Variants in MOB1A observed in about 807,000 individuals in gnomAD.
MOB1A encodes MOB kinase activator 1A.
MOB1A carries 10 observed loss-of-function variants against 25.1 expected under a neutral mutation model. The observed-to-expected ratio is 0.40, with a 90% CI of 0.25 to 0.68. The LOEUF (loss-of-function observed/expected upper bound fraction) is 0.68, where lower values mean the gene tolerates loss of function less well. MOB1A is among the 30% of genes least tolerant of loss of function. The pLI is 0.40. For missense variants in MOB1A, 177 were observed against 256.3 expected (o/e 0.69, Z 2.11); for synonymous variants, 81 against 79.5 (o/e 1.02, Z -0.10).
chr2:74,161,439 C>T (rs1007895580), intron 4 of MOB1A, among the ~76,000 whole-genome samples: 1 of 150,472 alleles, frequency 6.6e-6, no homozygotes, highest in African/African-American at 2.4e-5. Flanking sequence ...GTCAGGAGAT[C>T]GAGACCATCC....
rs534678492 is a variant in MOB1A at position 74,162,752 on chromosome 2, A to C, written c.409+2466T>G. ...AAAACTGTTGTCCTGAAAAGCCTCT[A>C]TAAGACTGCAAAAAGGAATTCAAAA... is the stretch of plus-strand genomic sequence containing the variant. On this transcript the variant is annotated intron_variant, in intron 4 of 5. Coordinates refer to ENST00000396049, the MANE Select transcript of MOB1A (RefSeq NM_018221.5). 1.6e-3 allele frequency among the ~76,000 whole-genome samples: 243 copies of C among 152,314 alleles called. 3 individuals carry two copies. The highest frequency in any genetic ancestry group is 5.5e-3 in the African/African-American group (230 of 41,580).
chr2:74,165,375 A>T (rs1693101774), intron 3 of MOB1A, 24 bp from the exon 4 acceptor site: 21 of 1,427,812 alleles, frequency 1.5e-5, no homozygotes, highest in Non-Finnish European at 1.8e-5. Flanking sequence ...TGTTTTACTG[A>T]TAAATTTTTC....
chr2:74,177,370 A>G (rs1411313476), intron 1 of MOB1A, among the ~76,000 whole-genome samples: 2 of 152,202 alleles, frequency 1.3e-5, no homozygotes, highest in African/African-American at 4.8e-5. Flanking sequence ...AAAAAAAAAG[A>G]AAAAGTCTCG....
rs34655105 is a variant in MOB1A, at chr2:74,170,724, C to CAAAA, written c.181+1858_181+1861dup. 1.1e-3 allele frequency among the ~76,000 whole-genome samples: 137 copies of CAAAA among 121,856 alleles called. 1 individual carries two copies. In the East Asian group the frequency reaches 0.021, roughly 19 times the overall value. 79.9% of individuals were successfully genotyped at this position (121,856 alleles called of 152,430 possible). A position where few individuals can be genotyped will look rare whatever the true frequency, so the allele number is the denominator to read the frequency against. ...TGTGCGACAGAGCAAGATTCCATCT[C>CAAAA]AAAAAAAAAAAAAAAAATTAGCAGG... On this transcript the variant is annotated intron_variant, in intron 2 of 5. Transcript: ENST00000396049.
intron 1 of MOB1A, among the ~76,000 whole-genome samples, chr2:74,176,588 C>A (rs1693477294): frequency 6.6e-6 from 1 of 151,690 alleles, no homozygotes; most frequent in African/African-American, 2.4e-5. Flanking sequence ...CACGGTGAAA[C>A]CCCGTCTCTA....
chr2:74,165,183 A>T (rs1236172537), intron 4 of MOB1A, 35 bp downstream of exon 4: 5 of 1,449,472 alleles, frequency 3.4e-6, no homozygotes, highest in Non-Finnish European at 4.6e-6. Flanking sequence ...TAAAATTTTA[A>T]AAAAAGAAAG....
Position 74,172,653 on chromosome 2 carries a change from A to G in MOB1A, c.114T>C (p.Ser38=), listed in dbSNP as rs1468281235. The change falls in exon 2 of 6, where the codon AGT becomes AGC. Residue 38 remains serine (S), a synonymous_variant. Coordinates refer to ENST00000396049, the MANE Select transcript of MOB1A (RefSeq NM_018221.5). ...LLKHAEATLG[S]GNLRQAVMLP... ...ACATAACAGCTTGTCTCAGATTCCC[A>G]CTTCCTAGAGTTGCTTCTGCATGTT... is the stretch of plus-strand genomic sequence containing the variant. The G allele has an allele frequency of 5.0e-6, 8 of 1,613,844 alleles. No homozygotes were observed. The highest frequency in any genetic ancestry group is 3.3e-5 in the South Asian group (3 of 91,076).
intron 4 of MOB1A, chr2:74,164,169 G>A (rs188695757): frequency 6.6e-6 from 1 of 152,164 alleles, no homozygotes; most frequent in Non-Finnish European, 1.5e-5. Context: ...AAATGGTAAT[G>A]GGACAAACTG....
In MOB1A at chr2:74,154,334, G is replaced by C. The variant is rs984722405; in HGVS notation, c.*2234C>G. 1 of 152,134 alleles carries C rather than the reference G, an allele frequency of 6.6e-6. No individual in the cohort carries two copies. The highest frequency in any genetic ancestry group is 1.5e-5 in the Non-Finnish European group (1 of 68,028). The allele number at this position is 152,134 out of a possible 1,614,324, so 9.4% of individuals were successfully genotyped here. On this transcript the variant is annotated 3_prime_UTR_variant, in exon 6 of 6. Coordinates refer to ENST00000396049, the MANE Select transcript of MOB1A (RefSeq NM_018221.5). ...CTCCCCTTGGCTCCCTAGCCTTGGAGGTAAACACTAATATTTCAGTGCACT... is the reference window on the plus strand; with the variant it reads ...CTCCCCTTGGCTCCCTAGCCTTGGACGTAAACACTAATATTTCAGTGCACT...
At chr2:74,174,643 T>A (rs1313650559) in intron 1 of MOB1A, among the ~76,000 whole-genome samples, 1 of 152,180 alleles carries the variant, frequency 6.6e-6, no homozygotes, top group Non-Finnish European at 1.5e-5. Flanking sequence ...CATAAAGTCT[T>A]CCTGCACAAA....
intron 2 of MOB1A, 119 bp from the exon 3 acceptor site, chr2:74,167,226 T>C (rs1693155464): frequency 2.9e-6 from 2 of 687,522 alleles, no homozygotes; most frequent in Non-Finnish European, 5.1e-6. Flanking sequence ...AGACATTCAA[T>C]AATCCAATGA....
chr2:74,176,468 T>C (rs1273041698), intron 1 of MOB1A, among the ~76,000 whole-genome samples: 1 of 151,004 alleles, frequency 6.6e-6, no homozygotes, highest in Admixed American at 6.6e-5. Context: ...GACAGCCCAA[T>C]TTAAAAACAG....
At chr2:74,177,538 C>T (rs762465141) in intron 1 of MOB1A, among the ~76,000 whole-genome samples, 4 of 151,726 alleles carry the variant, frequency 2.6e-5, no homozygotes, top group Admixed American at 6.6e-5. Context: ...CATTCATTTA[C>T]GAGAATAACC....
intron 2 of MOB1A, among the ~76,000 whole-genome samples, chr2:74,167,621 C>T (rs1693169162): frequency 6.6e-6 from 1 of 152,100 alleles, no homozygotes. Context: ...CCACTTTGGA[C>T]CAGATAATAC....
intron 1 of MOB1A, chr2:74,173,252 T>C: frequency 1.9e-6 from 1 of 513,454 alleles, no homozygotes; most frequent in Non-Finnish European, 3.9e-6. Context: ...ATTCCACAAA[T>C]AAGGCAATTT....
In MOB1A at chr2:74,165,202, G is replaced by A. The variant is rs774247633; in HGVS notation, c.409+16C>T. 6.1e-6 allele frequency: 9 copies of A among 1,487,266 alleles called. No individual in the cohort carries two copies. The highest frequency in any genetic ancestry group is 5.7e-5 in the South Asian group (4 of 70,590). The allele number at this position is 1,487,266 out of a possible 1,614,324, so 92.1% of individuals were successfully genotyped here. On this transcript the variant is annotated intron_variant, in intron 4 of 5. Transcript: ENST00000396049. ...ATTTTAAAAAAAGAAAGAATACTTC[G>A]ACAATGTTAACTCACCAATCTTAGA... is the stretch of plus-strand genomic sequence containing the variant.
Position 74,155,964 on chromosome 2 carries a change from A to T in MOB1A, c.*604T>A, listed in dbSNP as rs564869831. 6.5e-6 allele frequency: 1 copy of T among 152,758 alleles called. No homozygotes were observed. The highest frequency in any genetic ancestry group is 1.9e-4 in the East Asian group (1 of 5,196). The allele number at this position is 152,758 out of a possible 1,614,324, so 9.5% of individuals were successfully genotyped here. A position where few individuals can be genotyped will look rare whatever the true frequency, so the allele number is the denominator to read the frequency against. Reference sequence around the variant, plus strand: ...GCTCCCACCCACACGTCATATGATGATTTAAACTGCAATCATGAATTTTGA... The same window carrying T: ...GCTCCCACCCACACGTCATATGATGTTTTAAACTGCAATCATGAATTTTGA... On this transcript the variant is annotated 3_prime_UTR_variant, in exon 6 of 6. Coordinates refer to ENST00000396049, the MANE Select transcript of MOB1A (RefSeq NM_018221.5).
intron 1 of MOB1A, among the ~76,000 whole-genome samples, chr2:74,177,515 G>A (rs1419876662): frequency 6.6e-6 from 1 of 152,072 alleles, no homozygotes; most frequent in Non-Finnish European, 1.5e-5. Flanking sequence ...CAAGGTAATC[G>A]TATTTTAGAG....
chr2:74,156,764 A>T, intron 5 of MOB1A, 119 bp from the exon 6 acceptor site: 1 of 686,746 alleles, frequency 1.5e-6, no homozygotes, highest in South Asian at 1.8e-5. Flanking sequence ...TGATGAAATA[A>T]CCTCTGTGAA....
Sources: gnomAD v4.1 joint callset for allele counts (sites outside exome capture counted in the v4.1 genomes callset) on GRCh38, gnomAD v4.1.1 for gene constraint, MANE v1.5 for transcripts, NCBI Gene and HGNC (gene_info 2026-07-23, HGNC 2026-07-21) for gene names.